The following UHRF2 variants were observed in gnomAD, a reference collection of about 807,000 sequenced individuals.
UHRF2 encodes ubiquitin like with PHD and ring finger domains 2, also known as E3 ubiquitin-protein ligase UHRF2.
Under a neutral mutation model 96.8 loss-of-function variants are expected in UHRF2, and 23 were observed. The ratio of observed to expected loss-of-function variants is 0.24; its 90% CI spans 0.17 to 0.34. The LOEUF (loss-of-function observed/expected upper bound fraction) is 0.34, where lower values mean the gene tolerates loss of function less well. Ranked by LOEUF, UHRF2 falls within the 10% of genes least tolerant of loss-of-function variation. UHRF2 has a pLI of 1.00. For synonymous variants in UHRF2, 385 were observed against 332.6 expected (o/e 1.16, Z -1.72); for missense variants, 685 against 981.5 (o/e 0.70, Z 4.04).
intron 1 of UHRF2, among the ~76,000 whole-genome samples, chr9:6,418,882 G>A (rs1391713369): frequency 6.6e-6 from 1 of 152,160 alleles, no homozygotes; most frequent in South Asian, 2.1e-4. Flanking sequence ...TGTCAGCAGG[G>A]CCGTCCTCTG....
chr9:6,460,356 G>A (rs991964255), intron 3 of UHRF2, among the ~76,000 whole-genome samples: 2 of 152,168 alleles, frequency 1.3e-5, no homozygotes, highest in Non-Finnish European at 1.5e-5. Flanking sequence ...GTGGGAATGG[G>A]GAGACAGTTC....
In UHRF2 at chr9:6,437,416, A is replaced by G. The variant is rs1479255364; in HGVS notation, c.644+3243A>G. ...CCTGGCTAACTTTTGTATCTTTAGT[A>G]GATACGGGGTTTCACCGTGTTGGTC... On this transcript the variant is annotated intron_variant, in intron 3 of 15. Transcript: ENST00000276893. Among the ~76,000 whole-genome samples the G allele has an allele frequency of 2.6e-5, 4 of 151,762 alleles. 1 individual carries two copies. The highest frequency in any genetic ancestry group is 1.9e-4 in the East Asian group (1 of 5,148).
At chr9:6,488,717 G>A (rs1011947030) in intron 9 of UHRF2, among the ~76,000 whole-genome samples, 38 of 151,528 alleles carry the variant, frequency 2.5e-4, no homozygotes, top group Middle Eastern at 3.4e-3. Flanking sequence ...GGCCAGGCTA[G>A]TCTGGAACTC....
At chr9:6,445,953 T>C (rs1821459437) in intron 3 of UHRF2, among the ~76,000 whole-genome samples, 1 of 148,492 alleles carries the variant, frequency 6.7e-6, no homozygotes, top group Non-Finnish European at 1.5e-5. Context: ...CAGGTTGTTT[T>C]GGTAAATACT....
At chr9:6,503,035 C>A (rs1485400362) in intron 14 of UHRF2, among the ~76,000 whole-genome samples, 2 of 152,130 alleles carry the variant, frequency 1.3e-5, no homozygotes. Flanking sequence ...TGGTCTGTCT[C>A]CCAGGCTGAA....
chr9:6,475,872 T>G lies in UHRF2; in HGVS notation c.973+372T>G, dbSNP rs142739079. Among the ~76,000 whole-genome samples the G allele has an allele frequency of 9.8e-5, 15 of 152,306 alleles. No homozygotes were observed. The East Asian group carries it at 2.7e-3, about 27-fold the overall frequency. ...ATCACCTCAAACATTCTATCATTTT[T>G]TGTGTGTGTTGGGAACATTCTAAAT... On this transcript the variant is annotated intron_variant, in intron 5 of 15. Transcript: ENST00000276893.
At chr9:6,438,908 C>T (rs760251233) in intron 3 of UHRF2, among the ~76,000 whole-genome samples, 32 of 152,074 alleles carry the variant, frequency 2.1e-4, no homozygotes, top group Non-Finnish European at 1.5e-4. Context: ...GGAATGATAG[C>T]CATTATAGAT....
intron 2 of UHRF2, chr9:6,422,710 A>G: frequency 1.8e-6 from 1 of 542,168 alleles, no homozygotes; most frequent in South Asian, 2.6e-5. Context: ...GCTGGGGTCA[A>G]GTGATCTTCC....
At chr9:6,442,123 T>C (rs563970891) in intron 3 of UHRF2, among the ~76,000 whole-genome samples, 1 of 152,200 alleles carries the variant, frequency 6.6e-6, no homozygotes, top group Admixed American at 6.5e-5. Flanking sequence ...TGGCACCACG[T>C]CTGGCTAGTT....
chr9:6,476,009 A>G (rs897498560), intron 5 of UHRF2, among the ~76,000 whole-genome samples: 1 of 152,150 alleles, frequency 6.6e-6, no homozygotes, highest in African/African-American at 2.4e-5. Context: ...TGCACCCTAT[A>G]GCCAACCCTT....
At chr9:6,445,711 C>T (rs754432262) in intron 3 of UHRF2, among the ~76,000 whole-genome samples, 1 of 152,046 alleles carries the variant, frequency 6.6e-6, no homozygotes, top group African/African-American at 2.4e-5. Flanking sequence ...GTGCATGCCA[C>T]CATAACTGGC....
Position 6,460,811 on chromosome 9 carries a change from T to A in UHRF2, c.863+20T>A, listed in dbSNP as rs1469027584. 1 of 1,592,640 alleles carries A rather than the reference T, an allele frequency of 6.3e-7. No individual in the cohort carries two copies. Among genetic ancestry groups the A allele is most frequent in the Non-Finnish European group, 8.6e-7 (1 of 1,167,016 alleles). On this transcript the variant is annotated intron_variant, in intron 4 of 15. Transcript: ENST00000276893. ...CCTGGGGTAAGATTGTCTTCACTGG[T>A]GCCATTTAATTAACTGAATTGATCA...
intron 3 of UHRF2, among the ~76,000 whole-genome samples, chr9:6,456,192 A>G (rs917788065): frequency 6.6e-6 from 1 of 151,922 alleles, no homozygotes; most frequent in East Asian, 1.9e-4. Flanking sequence ...TAAAAACTAG[A>G]ATCTGTTTTT....
In UHRF2 at chr9:6,506,977, T is replaced by G. The variant is rs2130986118; in HGVS notation, c.*798T>G. The G allele has an allele frequency of 6.5e-6, 1 of 152,738 alleles. No homozygotes were observed. The highest frequency in any genetic ancestry group is 1.5e-5 in the Non-Finnish European group (1 of 68,022). 9.5% of individuals were successfully genotyped at this position (152,738 alleles called of 1,614,324 possible). A position where few individuals can be genotyped will look rare whatever the true frequency, so the allele number is the denominator to read the frequency against. Reference sequence around the variant, plus strand: ...GACCTTTGAGAGGATTTGAAATTGCTTCATATTGTGATCCTAAATTTTATA... The same window carrying G: ...GACCTTTGAGAGGATTTGAAATTGCGTCATATTGTGATCCTAAATTTTATA... On this transcript the variant is annotated 3_prime_UTR_variant, in exon 16 of 16. Transcript: ENST00000276893.
At chr9:6,468,594 A>T (rs1229585003) in intron 4 of UHRF2, 1 of 456,054 alleles carries the variant, frequency 2.2e-6, no homozygotes, top group East Asian at 6.9e-5. Flanking sequence ...GGATGGAAAA[A>T]GTCAGCAGAG....
chr9:6,422,763 A>G (rs1820009050), intron 2 of UHRF2: 1 of 439,476 alleles, frequency 2.3e-6, no homozygotes, highest in East Asian at 3.5e-5. Context: ...GTGAGCCACC[A>G]TGCCCGGCTA....
intron 7 of UHRF2, 89 bp from the exon 8 acceptor site, chr9:6,481,903 A>C (rs1045816939): frequency 1.2e-5 from 18 of 1,543,260 alleles, no homozygotes; most frequent in Non-Finnish European, 1.5e-5. Flanking sequence ...TTACATAAAC[A>C]GTTGGGTTCC....
Position 6,493,944 on chromosome 9 carries a change from G to A in UHRF2, c.1604+12G>A, listed in dbSNP as rs376095023. The A allele has an allele frequency of 1.2e-6, 2 of 1,608,578 alleles. No homozygotes were observed. The highest frequency in any genetic ancestry group is 2.2e-5 in the East Asian group (1 of 44,800). On this transcript the variant is annotated intron_variant, in intron 10 of 15. Coordinates refer to ENST00000276893, the MANE Select transcript of UHRF2 (RefSeq NM_152896.3). ...ACAAACATGAACAGGTACTACTATA[G>A]ACACTGTTTAGAATTTGAACATTGA...
At chr9:6,418,278 T>A (rs1265618367) in intron 1 of UHRF2, among the ~76,000 whole-genome samples, 29 of 140,494 alleles carry the variant, frequency 2.1e-4, no homozygotes, top group South Asian at 8.7e-4. Flanking sequence ...TTTTTTTTTT[T>A]AAATCAAGGA....
Sources: allele counts gnomAD v4.1 joint callset (sites outside exome capture counted in the v4.1 genomes callset), GRCh38; gene constraint gnomAD v4.1.1; transcripts MANE v1.5; gene names NCBI Gene and HGNC (gene_info 2026-07-23, HGNC 2026-07-21).